RAI14: variants seen among roughly 807,000 people sequenced by gnomAD.
RAI14 encodes retinoic acid induced 14, also known as ankycorbin.
RAI14 carries 45 observed loss-of-function variants against 115.4 expected under a neutral mutation model. The ratio of observed to expected loss-of-function variants is 0.39; its 90% confidence interval spans 0.31 to 0.50. The LOEUF is 0.50. Among genes scored for constraint, RAI14 ranks in the 20% least tolerant of loss-of-function variants. RAI14 has a pLI of 0.85. For synonymous variants in RAI14, 371 were observed against 415.4 expected (o/e 0.89, Z 1.30); for missense variants, 939 against 1,131.2 (o/e 0.83, Z 2.44).
chr5:34,719,130 A>T (rs1248191271), intron 2 of RAI14, among the ~76,000 whole-genome samples: 1 of 141,714 alleles, frequency 7.1e-6, no homozygotes, highest in Non-Finnish European at 1.5e-5. Context: ...GTGGAACTTC[A>T]GCTGGGCAGA....
chr5:34,680,579 C>G (rs139912482), intron 1 of RAI14, among the ~76,000 whole-genome samples: 1 of 152,310 alleles, frequency 6.6e-6, no homozygotes, highest in East Asian at 1.9e-4. Flanking sequence ...CACATTCACA[C>G]CATAGCTTAC....
chr5:34,779,991 CA>C (rs1561352635), intron 3 of RAI14, among the ~76,000 whole-genome samples: 1 of 152,156 alleles, frequency 6.6e-6, no homozygotes, highest in African/African-American at 2.4e-5. Context: ...CTACCATAAC[CA>C]AAACAGCACA....
chr5:34,672,983 C>A (rs1425731438), intron 1 of RAI14, among the ~76,000 whole-genome samples: 1 of 152,122 alleles, frequency 6.6e-6, no homozygotes. Context: ...TCCCTCAGTT[C>A]TGTGGAGTCA....
intron 1 of RAI14, among the ~76,000 whole-genome samples, chr5:34,664,097 T>TG (rs1742915237): frequency 1.3e-5 from 2 of 152,104 alleles, no homozygotes; most frequent in African/African-American, 4.8e-5. Context: ...AATCTAGTTG[T>TG]GAGAAAAGGT....
At chr5:34,780,405 C>T (rs1482955373) in intron 3 of RAI14, among the ~76,000 whole-genome samples, 1 of 152,068 alleles carries the variant, frequency 6.6e-6, no homozygotes, top group African/African-American at 2.4e-5. Context: ...TTCTGCACAG[C>T]AAAAGAAACT....
intron 5 of RAI14, among the ~76,000 whole-genome samples, chr5:34,806,713 AG>A (rs1341446004): frequency 6.6e-6 from 1 of 152,070 alleles, no homozygotes; most frequent in Non-Finnish European, 1.5e-5. Flanking sequence ...GAAGGCAGTC[AG>A]GGAGGAGCAG....
intron 1 of RAI14, among the ~76,000 whole-genome samples, chr5:34,669,108 G>A (rs1485277782): frequency 6.6e-6 from 1 of 152,210 alleles, no homozygotes; most frequent in African/African-American, 2.4e-5. Context: ...TCCCGCCTTG[G>A]CCTCCCAAAG....
intron 3 of RAI14, among the ~76,000 whole-genome samples, chr5:34,781,006 GTGGCACATATACACCA>G (rs1393339767): frequency 6.6e-6 from 1 of 152,050 alleles, no homozygotes. Context: ...TTAAGAAAAT[GTGGCACATATACACCA>G]TGGAATACTA....
intron 2 of RAI14, among the ~76,000 whole-genome samples, chr5:34,726,697 A>G (rs903994735): frequency 5.9e-5 from 9 of 152,056 alleles, no homozygotes; most frequent in South Asian, 4.2e-4. Context: ...TTCTCAGGAT[A>G]GTGAATAAGT....
intron 2 of RAI14, among the ~76,000 whole-genome samples, chr5:34,735,616 T>C (rs1744767664): frequency 6.6e-6 from 1 of 152,264 alleles, no homozygotes; most frequent in African/African-American, 2.4e-5. Context: ...AAAGTTGTTG[T>C]AGTCATCATC....
intron 2 of RAI14, among the ~76,000 whole-genome samples, chr5:34,724,071 C>T (rs145182997): frequency 2.2e-4 from 34 of 152,258 alleles, no homozygotes; most frequent in African/African-American, 6.7e-4. Flanking sequence ...GGCTGGAGTG[C>T]GGTGGCGCAA....
rs115459488 is a variant in RAI14, at chr5:34,663,322, G to C, written c.-49+6847G>C. 7.8e-3 allele frequency among the ~76,000 whole-genome samples: 1,193 copies of C among 152,142 alleles called. 20 individuals are homozygous for C. Among genetic ancestry groups the C allele is most frequent in the African/African-American group, 0.028 (1,154 of 41,524 alleles). ...CTTAAGCCCAGGAGTTAAGAGACCAGCTTGGGAAACATGGCGAAACTTTGT... is the reference window on the plus strand; with the variant it reads ...CTTAAGCCCAGGAGTTAAGAGACCACCTTGGGAAACATGGCGAAACTTTGT... On this transcript the variant is annotated intron_variant, in intron 1 of 17. Transcript: ENST00000265109.
At chr5:34,781,126 A>C (rs1279823873) in intron 3 of RAI14, among the ~76,000 whole-genome samples, 4 of 151,464 alleles carry the variant, frequency 2.6e-5, no homozygotes, top group Non-Finnish European at 5.9e-5. Flanking sequence ...AAGGACAAAA[A>C]AAACCAAGCA....
intron 3 of RAI14, among the ~76,000 whole-genome samples, chr5:34,761,644 C>T (rs1437535907): frequency 6.6e-6 from 1 of 152,152 alleles, no homozygotes; most frequent in Admixed American, 6.5e-5. Flanking sequence ...TGTCTGCTCC[C>T]GCCCTCCCCA....
chr5:34,728,998 T>A (rs571435668), intron 2 of RAI14, among the ~76,000 whole-genome samples: 1 of 152,288 alleles, frequency 6.6e-6, no homozygotes, highest in East Asian at 1.9e-4. Context: ...TTTGCTTACA[T>A]AATCTAGGTT....
chr5:34,677,152 GACATT>G (rs1561229060), intron 1 of RAI14, among the ~76,000 whole-genome samples: 2 of 148,854 alleles, frequency 1.3e-5, no homozygotes, highest in Non-Finnish European at 3.0e-5. Flanking sequence ...TGAAATCTAT[GACATT>G]TCTATTTTTT....
chr5:34,731,099 G>A (rs1419464272), intron 2 of RAI14, among the ~76,000 whole-genome samples: 1 of 152,188 alleles, frequency 6.6e-6, no homozygotes, highest in Non-Finnish European at 1.5e-5. Context: ...AATCAGTTAT[G>A]CTAGAAAAGA....
rs144736073 is a variant in RAI14, at chr5:34,748,434, T to A, written c.37-9034T>A. On this transcript the variant is annotated intron_variant, in intron 2 of 17. Transcript: ENST00000265109. ...ACTTGTATCAACTTGTTGTTTATGC[T>A]CTCTACTAAATACATCCTGTATGTT... Among the ~76,000 whole-genome samples the A allele has an allele frequency of 6.6e-5, 10 of 152,336 alleles. No homozygotes were observed. The East Asian group carries it at 1.9e-3, about 29-fold the overall frequency.
Position 34,758,510 on chromosome 5 carries a change from C to A in RAI14, c.167+912C>A, listed in dbSNP as rs73764037. Among the ~76,000 whole-genome samples, 392 of 152,052 alleles carry A rather than the reference C, an allele frequency of 2.6e-3. 2 individuals carry two copies. The highest frequency in any genetic ancestry group is 9.0e-3 in the African/African-American group (373 of 41,444). ...CCAGGAAGCGTAAGAAAGGAAGAAA[C>A]CTCTATTTTTAAGGTGTGTTATTGA... On this transcript the variant is annotated intron_variant, in intron 3 of 17. Transcript: ENST00000265109.
Sources: allele counts gnomAD v4.1 joint callset (sites outside exome capture counted in the v4.1 genomes callset), GRCh38; gene constraint gnomAD v4.1.1; transcripts MANE v1.5; gene names NCBI Gene and HGNC (gene_info 2026-07-23, HGNC 2026-07-21).